Variants in SNX4 observed in about 807,000 individuals in gnomAD.
SNX4 encodes the protein sorting nexin 4, also known as sorting nexin-4.
Under a neutral mutation model 70.8 loss-of-function variants are expected in SNX4, and 49 were observed. The observed-to-expected ratio is 0.69, with a 90% CI of 0.55 to 0.88. The LOEUF (loss-of-function observed/expected upper bound fraction) is 0.88, where lower values mean the gene tolerates loss of function less well. Among genes scored for constraint, SNX4 ranks in the 40% least tolerant of loss-of-function variants. The probability of loss-of-function intolerance (pLI) is 0.00; values close to 1 mark genes in which losing one functional copy is unlikely to be tolerated. For synonymous variants in SNX4, 206 were observed against 183.8 expected, an observed-to-expected ratio of 1.12 and a Z score of -0.98; for missense variants, 528 against 544.8, an observed-to-expected ratio of 0.97 and a Z score of 0.31.
rs1934937217 is a variant in SNX4 at position 125,501,853 on chromosome 3, T to A, written c.263+2770A>T. Among the ~76,000 whole-genome samples, 3 of 152,244 alleles carry A rather than the reference T, an allele frequency of 2.0e-5. No homozygotes were observed. The South Asian group carries it at 6.2e-4, about 31-fold the overall frequency. On this transcript the variant is annotated intron_variant, in intron 2 of 13. Coordinates refer to ENST00000251775, the MANE Select transcript of SNX4 (RefSeq NM_003794.4). ...TTGTGTGCCACACATTTATTGATGA[T>A]CTACTTAAATATGTATTCACAGTCT...
chr3:125,488,346 G>T (rs936532858), intron 6 of SNX4, among the ~76,000 whole-genome samples: 5 of 151,772 alleles, frequency 3.3e-5, no homozygotes, highest in Non-Finnish European at 7.4e-5. Flanking sequence ...GTTGTAGGGG[G>T]TGCCTATAAT....
At position 125,447,513 on chromosome 3, in the gene SNX4, G is replaced by A. The variant is rs745570597; in HGVS notation, c.*266C>T. The A allele has an allele frequency of 9.6e-5, 28 of 292,290 alleles. No individual in the cohort carries two copies. Among genetic ancestry groups the A allele is most frequent in the Admixed American group, 4.7e-4 (9 of 19,138 alleles). 18.1% of individuals were successfully genotyped at this position (292,290 alleles called of 1,614,324 possible). A position where few individuals can be genotyped will look rare whatever the true frequency, so the allele number is the denominator to read the frequency against. On this transcript the variant is annotated 3_prime_UTR_variant, in exon 14 of 14. Transcript: ENST00000251775. ...GACATTCAGTCATTGGTTCAGAAGC[G>A]TGACAAACAATCTGTTGGTATATAT... is the stretch of plus-strand genomic sequence containing the variant.
rs1429771888 is a variant in SNX4, at chr3:125,477,693, T to A, written c.727-937A>T. 5.3e-5 allele frequency among the ~76,000 whole-genome samples: 8 copies of A among 152,236 alleles called. No homozygotes were observed. In the East Asian group the frequency reaches 1.5e-3, roughly 29 times the overall value. On this transcript the variant is annotated intron_variant, in intron 7 of 13. Transcript: ENST00000251775. ...TGACAGAACCGCCACTGCAAATACT[T>A]CAAGTAGGTGTATGAGGATCATAAA...
rs184376089 is a variant in SNX4 at position 125,501,302 on chromosome 3, T to C, written c.264-3108A>G. ...CCTGTCTTAAAATGGAAAGCCTTTG[T>C]AGTTTAAAAGACAACAATCAAAATC... On this transcript the variant is annotated intron_variant, in intron 2 of 13. Transcript: ENST00000251775. 1.8e-3 allele frequency among the ~76,000 whole-genome samples: 238 copies of C among 130,816 alleles called. 4 individuals are homozygous for C. Among genetic ancestry groups the C allele is most frequent in the Non-Finnish European group, 4.4e-4 (28 of 63,742 alleles). The allele number at this position is 130,816 out of a possible 152,430, so 85.8% of individuals were successfully genotyped here.
In SNX4 at chr3:125,504,756, T is replaced by C; in HGVS notation, c.142-12A>G. 1 of 1,610,184 alleles carries C rather than the reference T, an allele frequency of 6.2e-7. No individual in the cohort carries two copies. Among genetic ancestry groups the C allele is most frequent in the Non-Finnish European group, 8.5e-7 (1 of 1,178,480 alleles). ...TTATTGTGTGTCATCTGGACAAAAGTAAATAAAACAACAACAACAACAAAA... is the reference window on the plus strand; with the variant it reads ...TTATTGTGTGTCATCTGGACAAAAGCAAATAAAACAACAACAACAACAAAA... On this transcript the variant is annotated splice_polypyrimidine_tract_variant and intron_variant, in intron 1 of 13. Transcript: ENST00000251775.
Position 125,506,778 on chromosome 3 carries a change from A to G in SNX4, c.142-2034T>C, listed in dbSNP as rs534196996. Among the ~76,000 whole-genome samples, 46 of 143,924 alleles carry G rather than the reference A, an allele frequency of 3.2e-4. 1 individual carries two copies. The South Asian group carries it at 9.0e-3, about 28-fold the overall frequency. 94.4% of individuals were successfully genotyped at this position (143,924 alleles called of 152,430 possible). Reference sequence around the variant, plus strand: ...ACAAAGACTTTAAAGTAATCATCTTATAGATGCTCAGAGAACTTAAAGAAA... The same window carrying G: ...ACAAAGACTTTAAAGTAATCATCTTGTAGATGCTCAGAGAACTTAAAGAAA... On this transcript the variant is annotated intron_variant, in intron 1 of 13. Coordinates refer to ENST00000251775, the MANE Select transcript of SNX4 (RefSeq NM_003794.4).
intron 5 of SNX4, among the ~76,000 whole-genome samples, chr3:125,495,283 T>TACACATAC (rs1559821392): frequency 1.1e-4 from 10 of 87,804 alleles, no homozygotes; most frequent in Non-Finnish European, 2.4e-4. Context: ...TATATACACA[T>TACACATAC]ACACACACAC....
In SNX4 at chr3:125,520,175, C is replaced by A; in HGVS notation, c.-3G>T. ...GGGTCCGGAGGTGCCTGCTCCATGGCTGCAGTTCGGCGCGGCGAACCCAGT... is the reference window on the plus strand; with the variant it reads ...GGGTCCGGAGGTGCCTGCTCCATGGATGCAGTTCGGCGCGGCGAACCCAGT... On this transcript the variant is annotated 5_prime_UTR_variant, in exon 1 of 14. Transcript: ENST00000251775. 2 of 1,337,758 alleles carry A rather than the reference C, an allele frequency of 1.5e-6. No individual in the cohort carries two copies. The highest frequency in any genetic ancestry group is 1.8e-5 in the South Asian group (1 of 56,396). 82.9% of individuals were successfully genotyped at this position (1,337,758 alleles called of 1,614,324 possible).
intron 1 of SNX4, among the ~76,000 whole-genome samples, chr3:125,515,954 A>G (rs1935270339): frequency 6.6e-6 from 1 of 152,176 alleles, no homozygotes; most frequent in African/African-American, 2.4e-5. Flanking sequence ...TATGCCTATA[A>G]TCTTTATCTT....
At chr3:125,467,127 C>T (rs898013450) in intron 9 of SNX4, among the ~76,000 whole-genome samples, 1 of 149,270 alleles carries the variant, frequency 6.7e-6, no homozygotes, top group African/African-American at 2.5e-5. Context: ...TGGCTTACCC[C>T]TGTAATCCAA....
chr3:125,466,707 G>A (rs1386871075), intron 9 of SNX4, among the ~76,000 whole-genome samples: 3 of 152,034 alleles, frequency 2.0e-5, no homozygotes, highest in Admixed American at 6.6e-5. Flanking sequence ...CAGGAGAATC[G>A]CTTGAACTGG....
At position 125,451,378 on chromosome 3, in the gene SNX4, T is replaced by G; in HGVS notation, c.1232A>C (p.Lys411Thr). ...KNAWADIERF[K>T]EQKNRDLKEA... ...CTTTAAGTCTCGGTTCTTTTGTTCT[T>G]TGAAGCGTTCAATATCAGCCCATGC... The change falls in exon 13 of 14, where the codon AAA (lysine) becomes ACA (threonine). Residue 411 changes from lysine (K) to threonine (T), a missense_variant. Coordinates refer to ENST00000251775, the MANE Select transcript of SNX4 (RefSeq NM_003794.4). 1 of 1,613,956 alleles carries G rather than the reference T, an allele frequency of 6.2e-7. No individual in the cohort carries two copies. The highest frequency in any genetic ancestry group is 8.5e-7 in the Non-Finnish European group (1 of 1,179,902).
At chr3:125,455,444 T>C (rs1377261448) in intron 11 of SNX4, among the ~76,000 whole-genome samples, 1 of 152,172 alleles carries the variant, frequency 6.6e-6, no homozygotes, top group Non-Finnish European at 1.5e-5. Flanking sequence ...TAAAACAGGA[T>C]ACCTAAATCC....
chr3:125,455,947 G>A (rs988174051), intron 11 of SNX4, among the ~76,000 whole-genome samples: 4 of 152,128 alleles, frequency 2.6e-5, no homozygotes, highest in African/African-American at 9.7e-5. Context: ...AACCCAGGAG[G>A]TGGAGCTTGC....
At chr3:125,502,879 C>T (rs1211366518) in intron 2 of SNX4, among the ~76,000 whole-genome samples, 1 of 144,714 alleles carries the variant, frequency 6.9e-6, no homozygotes, top group Non-Finnish European at 1.5e-5. Context: ...AAAGTATTAA[C>T]ATTAAAACAT....
At chr3:125,497,243 C>T (rs1372518661) in intron 5 of SNX4, 98 bp downstream of exon 5, 4 of 667,942 alleles carry the variant, frequency 6.0e-6, no homozygotes, top group Non-Finnish European at 1.0e-5. Flanking sequence ...CGATTTCCAA[C>T]ATTCATTTAT....
intron 6 of SNX4, among the ~76,000 whole-genome samples, chr3:125,484,334 A>G (rs6785986): frequency 0.048 from 7,330 of 152,256 alleles, 418 homozygotes; most frequent in African/African-American, 0.13. Context: ...GGCTCACTGC[A>G]ACCTCTGCCC....
chr3:125,467,881 C>T (rs530132902), intron 9 of SNX4, among the ~76,000 whole-genome samples: 2 of 152,344 alleles, frequency 1.3e-5, no homozygotes, highest in South Asian at 4.1e-4. Context: ...AGCAGTCTCC[C>T]AGTACTGGGT....
At chr3:125,495,275 T>TATACACACAC (rs1553727790) in intron 5 of SNX4, among the ~76,000 whole-genome samples, 10 of 83,046 alleles carry the variant, frequency 1.2e-4, no homozygotes, top group African/African-American at 2.2e-4. Flanking sequence ...TATATATATA[T>TATACACACAC]ATACACATAC....
Sources: gnomAD v4.1 joint callset for allele counts (sites outside exome capture counted in the v4.1 genomes callset) on GRCh38, gnomAD v4.1.1 for gene constraint, MANE v1.5 for transcripts, NCBI Gene and HGNC (gene_info 2026-07-23, HGNC 2026-07-21) for gene names.